GPC6: variants seen among roughly 807,000 people sequenced by gnomAD.
The protein encoded by GPC6 is glypican-6.
In GPC6, 14 loss-of-function variants were observed where a neutral mutation model predicts 55.2. That is an observed-to-expected ratio of 0.25 (90% CI 0.17 to 0.40). GPC6 has a LOEUF of 0.40. Ranked by LOEUF, GPC6 falls within the 10% of genes least tolerant of loss-of-function variation. The pLI is 1.00. For missense variants in GPC6, 641 were observed against 708.5 expected (o/e 0.90, Z 1.08); for synonymous variants, 278 against 259.6 (o/e 1.07, Z -0.68).
chr13:93,664,064 G>A (rs1036322318), intron 2 of GPC6, among the ~76,000 whole-genome samples: 3 of 152,010 alleles, frequency 2.0e-5, no homozygotes, highest in African/African-American at 7.2e-5. Flanking sequence ...ATTTTATATG[G>A]TTCTGAAGAT....
At chr13:93,410,070 G>C (rs1324519911) in intron 1 of GPC6, among the ~76,000 whole-genome samples, 1 of 152,176 alleles carries the variant, frequency 6.6e-6, no homozygotes, top group African/African-American at 2.4e-5. Flanking sequence ...AGCTGGGGCT[G>C]AAAGATTAAT....
chr13:93,483,467 G>A (rs1204507518), intron 1 of GPC6, among the ~76,000 whole-genome samples: 1 of 151,978 alleles, frequency 6.6e-6, no homozygotes, highest in Non-Finnish European at 1.5e-5. Flanking sequence ...TAATTTTCTA[G>A]TTTTTACCAA....
At chr13:93,910,038 C>T (rs948773645) in intron 3 of GPC6, among the ~76,000 whole-genome samples, 1 of 151,290 alleles carries the variant, frequency 6.6e-6, no homozygotes, top group Non-Finnish European at 1.5e-5. Context: ...TGACAAAACT[C>T]TAAGAATTTA....
intron 4 of GPC6, among the ~76,000 whole-genome samples, chr13:94,041,042 A>G (rs946838241): frequency 4.0e-5 from 6 of 151,838 alleles, no homozygotes; most frequent in Admixed American, 1.3e-4. Flanking sequence ...TTGATCTGTG[A>G]TCACTAGACA....
At chr13:93,722,172 T>A (rs1566503895) in intron 2 of GPC6, among the ~76,000 whole-genome samples, 1 of 151,806 alleles carries the variant, frequency 6.6e-6, no homozygotes, top group African/African-American at 2.4e-5. Context: ...TAATGTAGAA[T>A]AATCCTTCAA....
At chr13:94,089,421 A>G (rs1429859686) in intron 4 of GPC6, among the ~76,000 whole-genome samples, 2 of 152,292 alleles carry the variant, frequency 1.3e-5, no homozygotes, top group East Asian at 3.9e-4. Context: ...CTGGGAAATC[A>G]GATAGAAAGG....
chr13:93,483,300 G>A (rs1022443352), intron 1 of GPC6, among the ~76,000 whole-genome samples: 3 of 151,976 alleles, frequency 2.0e-5, no homozygotes, highest in African/African-American at 4.8e-5. Context: ...AAATCACTGT[G>A]CTTTTTTAGT....
At chr13:94,089,232 G>C (rs957577731) in intron 4 of GPC6, among the ~76,000 whole-genome samples, 3 of 152,186 alleles carry the variant, frequency 2.0e-5, no homozygotes, top group Non-Finnish European at 4.4e-5. Flanking sequence ...ACCTCTTGCA[G>C]ACTCTGCACT....
intron 4 of GPC6, among the ~76,000 whole-genome samples, chr13:94,131,517 A>G (rs117600690): frequency 0.011 from 1,671 of 152,286 alleles, 13 homozygotes; most frequent in Non-Finnish European, 0.017. Flanking sequence ...ATGTCAATTA[A>G]TTTGAGAAAT....
chr13:93,507,153 C>A (rs889024631), intron 1 of GPC6, among the ~76,000 whole-genome samples: 1 of 150,838 alleles, frequency 6.6e-6, no homozygotes, highest in South Asian at 2.1e-4. Flanking sequence ...GTGGAGCATC[C>A]CTGTGAAAGA....
intron 1 of GPC6, among the ~76,000 whole-genome samples, chr13:93,536,053 G>A (rs905901586): frequency 6.6e-6 from 1 of 152,102 alleles, no homozygotes; most frequent in Non-Finnish European, 1.5e-5. Context: ...TTCCAGCGAT[G>A]TCTGTGAGCA....
chr13:94,299,079 G>A (rs1200391294), intron 5 of GPC6, among the ~76,000 whole-genome samples: 1 of 152,050 alleles, frequency 6.6e-6, no homozygotes, highest in African/African-American at 2.4e-5. Context: ...CATATCATGT[G>A]CTGGTAACTC....
At chr13:94,028,129 G>C (rs1039249239) in intron 4 of GPC6, among the ~76,000 whole-genome samples, 6 of 152,068 alleles carry the variant, frequency 3.9e-5, no homozygotes, top group Non-Finnish European at 1.5e-5. Context: ...GCTGGGCGTG[G>C]TAGCACACAT....
At chr13:94,069,920 C>G (rs921088569) in intron 4 of GPC6, among the ~76,000 whole-genome samples, 2 of 152,152 alleles carry the variant, frequency 1.3e-5, no homozygotes, top group African/African-American at 4.8e-5. Context: ...CCAAACTGTT[C>G]CAACCTCTTC....
rs78217384 is a variant in GPC6, at chr13:93,919,919, C to T, written c.711+89374C>T. Among the ~76,000 whole-genome samples the T allele has an allele frequency of 7.9e-3, 1,196 of 152,314 alleles. 8 individuals carry two copies. Among genetic ancestry groups the T allele is most frequent in the Middle Eastern group, 0.024 (7 of 294 alleles). On this transcript the variant is annotated intron_variant, in intron 3 of 8. Transcript: ENST00000377047. ...CGTAGACTTGCTTAGAAGCCTCTCG[C>T]GTAGACACGCACTCACTCCACAAAC...
At chr13:94,016,983 C>T (rs1316385515) in intron 3 of GPC6, among the ~76,000 whole-genome samples, 5 of 152,024 alleles carry the variant, frequency 3.3e-5, no homozygotes, top group South Asian at 2.1e-4. Flanking sequence ...TACAGGTGCC[C>T]GCCACCATGC....
intron 2 of GPC6, among the ~76,000 whole-genome samples, chr13:93,609,097 C>T (rs756432519): frequency 1.3e-5 from 2 of 152,216 alleles, no homozygotes; most frequent in Admixed American, 6.5e-5. Context: ...TTCAACCCCA[C>T]TCCCATCCAA....
chr13:93,474,132 T>C (rs940269841), intron 1 of GPC6, among the ~76,000 whole-genome samples: 2 of 152,212 alleles, frequency 1.3e-5, no homozygotes, highest in African/African-American at 2.4e-5. Context: ...TTTTTAGTGG[T>C]CAGTTAAGCT....
chr13:94,131,650 G>A (rs899375878), intron 4 of GPC6, among the ~76,000 whole-genome samples: 4 of 152,054 alleles, frequency 2.6e-5, no homozygotes, highest in African/African-American at 4.8e-5. Flanking sequence ...GAGATGACAC[G>A]ATAAATAGGG....
Sources: allele counts gnomAD v4.1 joint callset (sites outside exome capture counted in the v4.1 genomes callset), GRCh38; gene constraint gnomAD v4.1.1; transcripts MANE v1.5; gene names NCBI Gene and HGNC (gene_info 2026-07-23, HGNC 2026-07-21).